The following SLC4A4 variants were observed in gnomAD, a reference collection of about 807,000 sequenced individuals.
SLC4A4 encodes the protein solute carrier family 4 member 4, also known as electrogenic sodium bicarbonate cotransporter 1.
A neutral mutation model predicts 111.5 loss-of-function variants in SLC4A4; 27 were observed. The observed-to-expected ratio is 0.24, with a 90% CI of 0.18 to 0.33. The LOEUF (loss-of-function observed/expected upper bound fraction) is 0.33, where lower values mean the gene tolerates loss of function less well. Among genes scored for constraint, SLC4A4 ranks in the 10% least tolerant of loss-of-function variants. The pLI is 1.00. For synonymous variants in SLC4A4, 443 were observed against 463.4 expected, an observed-to-expected ratio of 0.96 and a Z score of 0.57; for missense variants, 909 against 1,315.5, an observed-to-expected ratio of 0.69 and a Z score of 4.78.
intron 1 of SLC4A4, among the ~76,000 whole-genome samples, chr4:71,091,664 C>A (rs1378875050): frequency 6.6e-6 from 1 of 152,060 alleles, no homozygotes; most frequent in Non-Finnish European, 1.5e-5. Context: ...TCACAATCAG[C>A]GTTTCTATGG....
intron 3 of SLC4A4, among the ~76,000 whole-genome samples, chr4:71,256,912 T>C (rs536596334): frequency 1.3e-5 from 2 of 152,312 alleles, no homozygotes; most frequent in African/African-American, 2.4e-5. Flanking sequence ...TAACTTGTCT[T>C]TCATTCTTCA....
chr4:71,278,637 G>T (rs529245150), intron 3 of SLC4A4, among the ~76,000 whole-genome samples: 6 of 152,130 alleles, frequency 3.9e-5, no homozygotes, highest in Admixed American at 6.5e-5. Flanking sequence ...ATCCTAACAG[G>T]TATGATGTGA....
At chr4:71,466,931 A>AAGAGAGAGAGAGAGAGAGAGAGAGAGAG (rs61128918) in intron 13 of SLC4A4, among the ~76,000 whole-genome samples, 3 of 94,820 alleles carry the variant, frequency 3.2e-5, no homozygotes, top group East Asian at 3.5e-4. Context: ...ACAAGACGGG[A>AAGAGAGAGAGAGAGAGAGAGAGAGAGAG]AGAGAGAGAG....
intron 2 of SLC4A4, among the ~76,000 whole-genome samples, chr4:71,175,029 C>T (rs1359334553): frequency 6.6e-6 from 1 of 152,148 alleles, no homozygotes; most frequent in Admixed American, 6.5e-5. Flanking sequence ...GTCTCAGTAG[C>T]CACTGTGTCA....
rs1414958319 is a variant in SLC4A4, at chr4:71,570,952, G to A, written c.*3201G>A. The stretch of plus-strand genomic sequence containing the variant: ...GAGGACTTAACTGACTTAAGAAGTA[G>A]GAAAACAAAAACCTCTCTCCTCAGC... On this transcript the variant is annotated 3_prime_UTR_variant, in exon 26 of 26. Coordinates refer to ENST00000264485, the MANE Select transcript of SLC4A4 (RefSeq NM_001098484.3). 6.6e-6 allele frequency: 1 copy of A among 152,076 alleles called. No homozygotes were observed. The highest frequency in any genetic ancestry group is 1.5e-5 in the Non-Finnish European group (1 of 67,788). 9.4% of individuals were successfully genotyped at this position (152,076 alleles called of 1,614,324 possible).
chr4:71,329,157 T>C (rs1252723308), intron 3 of SLC4A4, among the ~76,000 whole-genome samples: 1 of 152,080 alleles, frequency 6.6e-6, no homozygotes, highest in Non-Finnish European at 1.5e-5. Flanking sequence ...GGGTTCTCTA[T>C]TTATTCTGTT....
intron 7 of SLC4A4, among the ~76,000 whole-genome samples, chr4:71,423,713 C>A (rs1268193197): frequency 6.6e-6 from 1 of 152,148 alleles, no homozygotes; most frequent in African/African-American, 2.4e-5. Context: ...TGATCTTTGA[C>A]AAACCTGAGA....
At chr4:71,235,305 A>G (rs1719725376) in intron 1 of SLC4A4, among the ~76,000 whole-genome samples, 1 of 152,234 alleles carries the variant, frequency 6.6e-6, no homozygotes, top group African/African-American at 2.4e-5. Flanking sequence ...AATAGTAAGG[A>G]CAAAAATATG....
chr4:71,459,903 A>C (rs1033093985), intron 12 of SLC4A4, among the ~76,000 whole-genome samples: 1 of 151,636 alleles, frequency 6.6e-6, no homozygotes, highest in African/African-American at 2.4e-5. Context: ...TTTAATTCTA[A>C]TTTCTTTGAT....
chr4:71,330,142 G>A (rs1299114999), intron 3 of SLC4A4, among the ~76,000 whole-genome samples: 1 of 152,040 alleles, frequency 6.6e-6, no homozygotes, highest in Non-Finnish European at 1.5e-5. Flanking sequence ...AACTATTCTT[G>A]CATCCCTGGG....
chr4:71,376,294 C>T lies in SLC4A4; in HGVS notation c.730+19107C>T, dbSNP rs1185398999. ...TCGGCTCACTGCAAGCTCTGCCTCT[C>T]GGGTTCACGCCATTCTCCTGCCTCA... On this transcript the variant is annotated intron_variant, in intron 6 of 25. Coordinates refer to ENST00000264485, the MANE Select transcript of SLC4A4 (RefSeq NM_001098484.3). Among the ~76,000 whole-genome samples the T allele has an allele frequency of 1.3e-4, 20 of 150,584 alleles. No homozygotes were observed. In the East Asian group the frequency reaches 1.4e-3, roughly 10 times the overall value.
intron 1 of SLC4A4, among the ~76,000 whole-genome samples, chr4:71,077,601 C>T (rs1353966259): frequency 6.6e-6 from 1 of 152,164 alleles, no homozygotes; most frequent in African/African-American, 2.4e-5. Context: ...ACTTGCTATA[C>T]CCATTTTGCC....
At chr4:71,253,575 A>G (rs1259074549) in intron 2 of SLC4A4, among the ~76,000 whole-genome samples, 1 of 152,174 alleles carries the variant, frequency 6.6e-6, no homozygotes, top group Non-Finnish European at 1.5e-5. Context: ...GCTCACTTAC[A>G]TTGTTAAGAC....
intron 16 of SLC4A4, among the ~76,000 whole-genome samples, chr4:71,510,938 A>T (rs1221442155): frequency 1.3e-5 from 2 of 152,122 alleles, no homozygotes; most frequent in African/African-American, 4.8e-5. Context: ...TACAATTATA[A>T]CAGGCTATTT....
chr4:71,453,347 T>C, intron 11 of SLC4A4, 148 bp from the exon 12 acceptor site: 1 of 804,398 alleles, frequency 1.2e-6, no homozygotes, highest in Non-Finnish European at 2.1e-6. Context: ...TTTATAGTTT[T>C]CTGGTTTCAT....
At chr4:71,265,238 G>A (rs1722150879) in intron 3 of SLC4A4, among the ~76,000 whole-genome samples, 1 of 152,134 alleles carries the variant, frequency 6.6e-6, no homozygotes, top group Admixed American at 6.5e-5. Context: ...GAGAGAAGGT[G>A]CTGTCTTTAG....
intron 3 of SLC4A4, among the ~76,000 whole-genome samples, chr4:71,259,444 G>A (rs144113118): frequency 1.8e-3 from 268 of 152,188 alleles, no homozygotes; most frequent in Non-Finnish European, 2.7e-3. Context: ...CCCAGCTGGG[G>A]ACACAGAGAA....
At chr4:71,484,822 C>T (rs1729222639) in intron 14 of SLC4A4, among the ~76,000 whole-genome samples, 1 of 151,610 alleles carries the variant, frequency 6.6e-6, no homozygotes, top group South Asian at 2.1e-4. Context: ...TGTGTCATTT[C>T]TGTTTTCTTT....
At chr4:71,097,753 G>T (rs1742599843) in intron 2 of SLC4A4, among the ~76,000 whole-genome samples, 1 of 152,072 alleles carries the variant, frequency 6.6e-6, no homozygotes, top group East Asian at 1.9e-4. Flanking sequence ...TTGTGGTTTT[G>T]GTTTGCATTT....
Sources: gnomAD v4.1 joint callset for allele counts (sites outside exome capture counted in the v4.1 genomes callset) on GRCh38, gnomAD v4.1.1 for gene constraint, MANE v1.5 for transcripts, NCBI Gene and HGNC (gene_info 2026-07-23, HGNC 2026-07-21) for gene names.